Variants in NDUFB8 observed in about 807,000 individuals in gnomAD.
NDUFB8 encodes the protein NADH:ubiquinone oxidoreductase subunit B8, also known as NADH dehydrogenase [ubiquinone] 1 beta subcomplex subunit 8, mitochondrial.
A neutral mutation model predicts 26.0 loss-of-function variants in NDUFB8; 17 were observed. The observed-to-expected ratio is 0.65, with a 90% CI of 0.45 to 0.98. NDUFB8 has a LOEUF of 0.98. NDUFB8 is among the 50% of genes least tolerant of loss of function. NDUFB8 has a pLI of 0.00. For missense variants in NDUFB8, 238 were observed against 255.0 expected (o/e 0.93, Z 0.45); for synonymous variants, 89 against 93.1 (o/e 0.96, Z 0.25).
intron 2 of NDUFB8, among the ~76,000 whole-genome samples, 190 bp from the exon 3 acceptor site, chr10:100,527,264 G>A (rs746391320): frequency 2.0e-5 from 3 of 152,208 alleles, no homozygotes; most frequent in Non-Finnish European, 4.4e-5. Flanking sequence ...AGTCCACACT[G>A]TATTTAAAAG....
intron 2 of NDUFB8, among the ~76,000 whole-genome samples, chr10:100,528,575 C>T (rs941958139): frequency 6.6e-6 from 1 of 152,224 alleles, no homozygotes; most frequent in African/African-American, 2.4e-5. Flanking sequence ...CCTCATGGGA[C>T]CTCTTGCTAA....
chr10:100,529,132 A>G (rs1192726391), intron 2 of NDUFB8: 2 of 339,462 alleles, frequency 5.9e-6, no homozygotes, highest in Non-Finnish European at 1.1e-5. Context: ...GGGGTCCTCG[A>G]GGGAGCCATT....
At chr10:100,529,631 C>G in intron 1 of NDUFB8, 125 bp from the exon 2 acceptor site, 1 of 1,546,412 alleles carries the variant, frequency 6.5e-7, no homozygotes, top group Non-Finnish European at 8.8e-7. Context: ...TCCTCCACCC[C>G]ATTTTCTGGA....
intron 4 of NDUFB8, among the ~76,000 whole-genome samples, chr10:100,525,254 T>C (rs933439439): frequency 1.3e-5 from 2 of 151,804 alleles, no homozygotes; most frequent in Non-Finnish European, 2.9e-5. Context: ...TTTTCCTTCA[T>C]TGTTTTCTTT....
intron 2 of NDUFB8, among the ~76,000 whole-genome samples, chr10:100,527,672 C>A (rs1281378937): frequency 6.6e-6 from 1 of 152,154 alleles, no homozygotes; most frequent in East Asian, 1.9e-4. Context: ...AAAAGTCACA[C>A]AATCGTGTGA....
chr10:100,526,508 GA>G lies in NDUFB8; in HGVS notation c.358del (p.Ser120ProfsTer21), dbSNP rs2133710956. The G allele has an allele frequency of 1.2e-6, 2 of 1,611,026 alleles. No homozygotes were observed. The highest frequency in any genetic ancestry group is 3.4e-5 in the Admixed American group (2 of 58,782). On this transcript the variant is annotated frameshift_variant, in exon 4 of 5. Transcript: ENST00000299166. LOFTEE classifies it high-confidence loss of function. ...GACATGCCAAGAAACAGGTGTGGGG[GA>G]TGTATCCACACGGTTCCTGTTGTAC... Reference protein sequence around the residue: ...DMYNRNRVDTSPTPVSWHVMC... With the variant: ...DMYNRNRVDTXPTPVSWHVMC...
chr10:100,527,564 T>C (rs552634801), intron 2 of NDUFB8, among the ~76,000 whole-genome samples: 3 of 151,452 alleles, frequency 2.0e-5, no homozygotes, highest in South Asian at 4.2e-4. Context: ...GATCGCACCA[T>C]TGCACTCCAG....
At chr10:100,529,699 C>T (rs1008713320) in intron 1 of NDUFB8, 68 bp downstream of exon 1, 10 of 1,564,380 alleles carry the variant, frequency 6.4e-6, no homozygotes, top group Middle Eastern at 1.7e-4. Flanking sequence ...ATCTACGATC[C>T]CCCCTCCCGA....
At chr10:100,525,384 G>A (rs911094053) in intron 4 of NDUFB8, among the ~76,000 whole-genome samples, 3 of 151,768 alleles carry the variant, frequency 2.0e-5, no homozygotes, top group Non-Finnish European at 4.4e-5. Context: ...AGCCTCCCAA[G>A]TAGCTGGGAT....
chr10:100,526,708 C>T lies in NDUFB8; in HGVS notation c.313-154G>A, dbSNP rs997815933. ...ACCAGGTCTGAGGCACACTGCCCTACAGGATTAGATGCTGGCCTCTGTCTA... is the reference window on the plus strand; with the variant it reads ...ACCAGGTCTGAGGCACACTGCCCTATAGGATTAGATGCTGGCCTCTGTCTA... On this transcript the variant is annotated intron_variant, in intron 3 of 4. Coordinates refer to ENST00000299166, the MANE Select transcript of NDUFB8 (RefSeq NM_005004.4). 1.6e-5 allele frequency: 15 copies of T among 934,854 alleles called. No individual in the cohort carries two copies. In the South Asian group the frequency reaches 2.1e-4, roughly 13 times the overall value. 57.9% of individuals were successfully genotyped at this position (934,854 alleles called of 1,614,324 possible). A position where few individuals can be genotyped will look rare whatever the true frequency, so the allele number is the denominator to read the frequency against.
chr10:100,529,268 G>T, intron 2 of NDUFB8, 112 bp downstream of exon 2: 1 of 851,338 alleles, frequency 1.2e-6, no homozygotes, highest in Non-Finnish European at 1.5e-6. Flanking sequence ...CCACTCCATT[G>T]ACTCTGAGGG....
At chr10:100,527,879 G>A (rs1852080150) in intron 2 of NDUFB8, among the ~76,000 whole-genome samples, 1 of 152,124 alleles carries the variant, frequency 6.6e-6, no homozygotes, top group African/African-American at 2.4e-5. Context: ...GAGGGCAATG[G>A]CACAATCTCA....
In NDUFB8 at chr10:100,529,363, T is replaced by C. The variant is rs1188212190; in HGVS notation, c.212+17A>G. 1.9e-6 allele frequency: 3 copies of C among 1,583,776 alleles called. No homozygotes were observed. The highest frequency in any genetic ancestry group is 4.6e-5 in the East Asian group (2 of 43,280). On this transcript the variant is annotated intron_variant, in intron 2 of 4. Transcript: ENST00000299166. ...TCCCATCACTACTTGGGTGCGAGCATACCCTCTCTGTCTCACCCCATGCCA... is the reference window on the plus strand; with the variant it reads ...TCCCATCACTACTTGGGTGCGAGCACACCCTCTCTGTCTCACCCCATGCCA...
chr10:100,528,376 A>G (rs1030500000), intron 2 of NDUFB8, among the ~76,000 whole-genome samples: 2 of 152,246 alleles, frequency 1.3e-5, no homozygotes, highest in Admixed American at 6.5e-5. Context: ...CCCTGTTGTT[A>G]AGTGACATAT....
intron 2 of NDUFB8, among the ~76,000 whole-genome samples, chr10:100,528,137 C>A (rs1260904873): frequency 6.6e-6 from 1 of 152,184 alleles, no homozygotes; most frequent in Non-Finnish European, 1.5e-5. Context: ...TCTTTTATAG[C>A]ATACTTTTAT....
At chr10:100,525,218 A>C (rs1224648192) in intron 4 of NDUFB8, among the ~76,000 whole-genome samples, 1 of 151,328 alleles carries the variant, frequency 6.6e-6, no homozygotes, top group Non-Finnish European at 1.5e-5. Context: ...CTATACCTCT[A>C]TTCTACTCCA....
chr10:100,528,955 A>T (rs974221868), intron 2 of NDUFB8: 1 of 153,746 alleles, frequency 6.5e-6, no homozygotes, highest in Non-Finnish European at 1.4e-5. Context: ...TTTTAAAGAG[A>T]CATACACACA....
In NDUFB8 at chr10:100,526,465, G is replaced by A. The variant is rs775806330; in HGVS notation, c.402C>T (p.Phe134=). 1.1e-5 allele frequency: 17 copies of A among 1,612,418 alleles called. No homozygotes were observed. The highest frequency in any genetic ancestry group is 1.4e-5 in the Non-Finnish European group (17 of 1,179,582). ...TGAATATCATGAAAGCCAGGAAACC[G>A]AAGAGCTGCATACACATGACATGCC... ...VSWHVMCMQL[F]GFLAFMIFMC... Residue 134 remains phenylalanine, a synonymous_variant, in exon 4 of 5, where the codon TTC becomes TTT. Transcript: ENST00000299166.
At chr10:100,527,235 G>A (rs2133711707) in intron 2 of NDUFB8, among the ~76,000 whole-genome samples, 161 bp from the exon 3 acceptor site, 2 of 152,308 alleles carry the variant, frequency 1.3e-5, no homozygotes, top group South Asian at 4.1e-4. Context: ...TAGTCACTAA[G>A]CACAGAATTA....
Sources: allele counts gnomAD v4.1 joint callset (sites outside exome capture counted in the v4.1 genomes callset), GRCh38; gene constraint gnomAD v4.1.1; transcripts MANE v1.5; gene names NCBI Gene and HGNC (gene_info 2026-07-23, HGNC 2026-07-21).